The following SEMA4B variants were observed in gnomAD, a reference collection of about 807,000 sequenced individuals.
SEMA4B encodes the protein semaphorin 4B.
A neutral mutation model predicts 88.1 loss-of-function variants in SEMA4B; 55 were observed. The observed-to-expected ratio is 0.62, with a 90% CI of 0.50 to 0.78. The LOEUF is 0.78. SEMA4B is among the 30% of genes least tolerant of loss of function. SEMA4B has a pLI of 0.00. For synonymous variants in SEMA4B, 525 were observed against 473.6 expected (o/e 1.11, Z -1.41); for missense variants, 1,062 against 1,111.9 (o/e 0.96, Z 0.64).
At chr15:90,192,190 C>T (rs141673825) in intron 1 of SEMA4B, among the ~76,000 whole-genome samples, 18 of 152,312 alleles carry the variant, frequency 1.2e-4, no homozygotes, top group East Asian at 1.9e-4. Context: ...CAGGAGGGGG[C>T]GGGTGGGACC....
At position 90,228,783 on chromosome 15, in the gene SEMA4B, C is replaced by A; in HGVS notation, c.*140C>A. 1 of 1,122,206 alleles carries A rather than the reference C, an allele frequency of 8.9e-7. No homozygotes were observed. The highest frequency in any genetic ancestry group is 1.2e-6 in the Non-Finnish European group (1 of 801,818). The allele number at this position is 1,122,206 out of a possible 1,614,324, so 69.5% of individuals were successfully genotyped here. ...CCTTGGGAGCCTTGGGGCCAGCTGG[C>A]CTGCTGCTCTCCAGTCAAGTAGCGA... On this transcript the variant is annotated 3_prime_UTR_variant, in exon 14 of 14. Coordinates refer to ENST00000411539, the MANE Select transcript of SEMA4B (RefSeq NM_198925.4).
chr15:90,201,587 C>T lies in SEMA4B; in HGVS notation c.9C>T (p.Arg3=), dbSNP rs761054426. The T allele has an allele frequency of 1.0e-4, 153 of 1,501,402 alleles. 1 individual carries two copies. The highest frequency in any genetic ancestry group is 2.2e-4 in the Middle Eastern group (1 of 4,570). The allele number at this position is 1,501,402 out of a possible 1,614,324, so 93.0% of individuals were successfully genotyped here. The change falls in exon 1 of 14, where the codon CGC becomes CGT. Residue 3 remains arginine (R), a synonymous_variant. Transcript: ENST00000411539. ML[R]TAMGLRSWLA... is the part of the protein sequence containing the mutation. ...TCGCTCCTGCTCTCCGAATGCTGCG[C>T]ACCGCGATGGGCCTGAGGAGCTGGC...
chr15:90,193,892 C>T, intron 1 of SEMA4B, among the ~76,000 whole-genome samples: 1 of 150,592 alleles, frequency 6.6e-6, no homozygotes, highest in Non-Finnish European at 1.5e-5. Context: ...CACTCTTGTG[C>T]CCAGGCTGGA....
In SEMA4B at chr15:90,185,016, T is replaced by C. The variant is rs898178387; in HGVS notation, c.-187T>C. The C allele has an allele frequency of 8.1e-6, 8 of 985,544 alleles. No individual in the cohort carries two copies. The African/African-American group carries it at 1.4e-4, about 17-fold the overall frequency. 61.0% of individuals were successfully genotyped at this position (985,544 alleles called of 1,614,324 possible). On this transcript the variant is annotated 5_prime_UTR_variant, in exon 1 of 15. Coordinates refer to the SEMA4B transcript ENST00000332496. The stretch of plus-strand genomic sequence containing the variant: ...CGGCCTGGCAAGGGGGACGAGTCAG[T>C]GGACACTCCAGGAAGAGCGGCCCCG...
intron 12 of SEMA4B, among the ~76,000 whole-genome samples, chr15:90,226,034 C>G (rs996246240): frequency 2.6e-5 from 4 of 152,150 alleles, no homozygotes; most frequent in African/African-American, 9.7e-5. Context: ...AAAACGAGGA[C>G]ATGATTTGGT....
At chr15:90,197,376 T>G (rs1259101487), upstream of SEMA4B, among the ~76,000 whole-genome samples, 1 of 151,748 alleles carries the variant, frequency 6.6e-6, no homozygotes, top group African/African-American at 2.4e-5. Flanking sequence ...GGTGACAGAG[T>G]GAGACCCTCT....
upstream of SEMA4B, among the ~76,000 whole-genome samples, chr15:90,200,516 T>C (rs1324379798): frequency 6.6e-6 from 1 of 152,240 alleles, no homozygotes; most frequent in Non-Finnish European, 1.5e-5. Context: ...GATTTCAGAA[T>C]CTGCTAATGG....
chr15:90,226,810 G>C (rs1482860035), intron 12 of SEMA4B, among the ~76,000 whole-genome samples: 1 of 152,128 alleles, frequency 6.6e-6, no homozygotes, highest in Non-Finnish European at 1.5e-5. Flanking sequence ...GCTGGTAGAT[G>C]CTGTGATTTT....
At chr15:90,201,295 A>C, upstream of SEMA4B, 2 of 1,125,972 alleles carry the variant, frequency 1.8e-6, no homozygotes, top group East Asian at 4.6e-5. Context: ...GGCCGGGCTC[A>C]CGGCCGACTT....
At chr15:90,199,062 T>C (rs143418086), upstream of SEMA4B, among the ~76,000 whole-genome samples, 1,510 of 152,176 alleles carry the variant, frequency 9.9e-3, 35 homozygotes, top group African/African-American at 0.035. Context: ...TTAGTAGAGA[T>C]GGGGATTCAC....
At chr15:90,201,274 G>A (rs918608467), upstream of SEMA4B, 19 of 1,085,140 alleles carry the variant, frequency 1.8e-5, no homozygotes, top group Non-Finnish European at 2.1e-5. Flanking sequence ...GAAGGGGGAA[G>A]GGGGCGGGCC....
In SEMA4B at chr15:90,228,513, C is replaced by G. The variant is rs377034176; in HGVS notation, c.2384C>G (p.Pro795Arg). ...RGYQSLSDSP[P>R]GSRVFTESEK... Reference sequence around the variant, plus strand: ...TACCAGTCCCTGTCAGACAGCCCCCCGGGGTCCCGAGTCTTCACTGAGTCA... The same window carrying G: ...TACCAGTCCCTGTCAGACAGCCCCCGGGGGTCCCGAGTCTTCACTGAGTCA... Residue 795 changes from proline to arginine, a missense_variant, in exon 14 of 14, where the codon CCG (proline) becomes CGG (arginine). Pro to Arg is a moderately radical substitution (Grantham distance 103, BLOSUM62 -2). Transcript: ENST00000411539. The G allele has an allele frequency of 3.7e-6, 6 of 1,611,442 alleles. No individual in the cohort carries two copies. Among genetic ancestry groups the G allele is most frequent in the East Asian group, 2.2e-5 (1 of 44,816 alleles).
chr15:90,187,051 T>A (rs1383534676), intron 1 of SEMA4B, among the ~76,000 whole-genome samples: 2 of 152,114 alleles, frequency 1.3e-5, no homozygotes, highest in African/African-American at 4.8e-5. Context: ...GAGAGCTGAG[T>A]CTCCCCGCTG....
At chr15:90,225,240 C>T (rs1336311902) in intron 10 of SEMA4B, 42 bp from the exon 11 acceptor site, 2 of 1,553,912 alleles carry the variant, frequency 1.3e-6, no homozygotes, top group South Asian at 2.4e-5. Context: ...GGGTCATGGG[C>T]AGTGGGCTCC....
chr15:90,201,742 GCCGGGGAC>G lies in SEMA4B; in HGVS notation c.157+16_157+23del, dbSNP rs1271509531. 5 of 1,405,858 alleles carry G rather than the reference GCCGGGGAC, an allele frequency of 3.6e-6. No individual in the cohort carries two copies. The East Asian group carries it at 8.9e-5, about 25-fold the overall frequency. The allele number at this position is 1,405,858 out of a possible 1,614,324, so 87.1% of individuals were successfully genotyped here. On this transcript the variant is annotated splice_region_variant and intron_variant, in intron 1 of 13. Transcript: ENST00000411539. ...CGGATCAGCCTGCCTCTGGGTGAGT[GCCGGGGAC>G]CCGGGGACGCGGGCCGGGGGAAGGA...
At chr15:90,203,485 G>A (rs980117283) in intron 1 of SEMA4B, among the ~76,000 whole-genome samples, 5 of 152,184 alleles carry the variant, frequency 3.3e-5, no homozygotes, top group African/African-American at 1.2e-4. Flanking sequence ...GTCCAACTCT[G>A]GAACTGGATG....
chr15:90,221,616 C>G lies in SEMA4B; in HGVS notation c.712C>G (p.Pro238Ala). The G allele has an allele frequency of 1.9e-6, 3 of 1,614,014 alleles. No homozygotes were observed. Among genetic ancestry groups the G allele is most frequent in the Non-Finnish European group, 2.5e-6 (3 of 1,179,886 alleles). The change falls in exon 7 of 14, where the codon CCA becomes GCA. Residue 238 changes from proline (P) to alanine (A), a missense_variant and splice_region_variant. Transcript: ENST00000411539. The part of the protein sequence containing the change: ...TESSLNWLQD[P>A]AFVASAYIPE... ...AGCTCCTGACCTGGTCCCTACAGAC[C>G]CAGCTTTTGTGGCCTCAGCCTACAT...
At position 90,223,975 on chromosome 15, in the gene SEMA4B, C is replaced by T. The variant is rs746799793; in HGVS notation, c.1181C>T (p.Pro394Leu). 6.2e-7 allele frequency: 1 copy of T among 1,613,046 alleles called. No homozygotes were observed. Among genetic ancestry groups the T allele is most frequent in the South Asian group, 1.1e-5 (1 of 91,052 alleles). Residue 394 changes from proline to leucine, a missense_variant, in exon 9 of 14, where the codon CCC (proline) becomes CTC (leucine). Coordinates refer to ENST00000411539, the MANE Select transcript of SEMA4B (RefSeq NM_198925.4). ...ACCGTGACCCACCCGGTGCCCACAC[C>T]CCGGCCTGGAGCGGTGGGTACTGGC... ...WYTVTHPVPT[P>L]RPGACITNSA...
At chr15:90,223,797 C>T (rs778638668) in intron 8 of SEMA4B, 41 bp from the exon 9 acceptor site, 4 of 1,606,734 alleles carry the variant, frequency 2.5e-6, no homozygotes, top group Non-Finnish European at 2.6e-6. Flanking sequence ...GGGACTGGGG[C>T]CCCCAGGGCT....
Sources: gnomAD v4.1 joint callset for allele counts (sites outside exome capture counted in the v4.1 genomes callset) on GRCh38, gnomAD v4.1.1 for gene constraint, MANE v1.5 for transcripts, NCBI Gene and HGNC (gene_info 2026-07-23, HGNC 2026-07-21) for gene names.